The following CACNG3 variants were observed in gnomAD, a reference collection of about 807,000 sequenced individuals.
CACNG3 encodes the protein calcium voltage-gated channel auxiliary subunit gamma 3.
In CACNG3, 3 loss-of-function variants were observed where a neutral mutation model predicts 28.5. The ratio of observed to expected loss-of-function variants is 0.11; its 90% confidence interval spans 0.05 to 0.27. The LOEUF (loss-of-function observed/expected upper bound fraction) is 0.27, where lower values mean the gene tolerates loss of function less well. Among genes scored for constraint, CACNG3 ranks in the 10% least tolerant of loss-of-function variants. CACNG3 has a pLI of 1.00. For missense variants in CACNG3, 236 were observed against 414.4 expected, an observed-to-expected ratio of 0.57 and a Z score of 3.74; for synonymous variants, 174 against 162.2, an observed-to-expected ratio of 1.07 and a Z score of -0.55.
At chr16:24,270,946 G>A (rs1045887785) in intron 1 of CACNG3, among the ~76,000 whole-genome samples, 1 of 152,206 alleles carries the variant, frequency 6.6e-6, no homozygotes, top group African/African-American at 2.4e-5. Context: ...GCTTGAAGCG[G>A]GGAATGTGCC....
chr16:24,305,777 C>T (rs916685505), intron 1 of CACNG3, among the ~76,000 whole-genome samples: 2 of 152,094 alleles, frequency 1.3e-5, no homozygotes, highest in African/African-American at 4.8e-5. Flanking sequence ...CAAACCTGCA[C>T]ATTCTGCACA....
At chr16:24,310,765 T>C (rs912663348) in intron 1 of CACNG3, among the ~76,000 whole-genome samples, 1 of 151,860 alleles carries the variant, frequency 6.6e-6, no homozygotes, top group Non-Finnish European at 1.5e-5. Flanking sequence ...TGGTAGGGGG[T>C]GCTGCTGGGA....
intron 1 of CACNG3, among the ~76,000 whole-genome samples, chr16:24,270,028 T>C (rs2141347001): frequency 6.6e-6 from 1 of 152,230 alleles, no homozygotes; most frequent in South Asian, 2.1e-4. Flanking sequence ...TTCTATTCCT[T>C]TTGGCTAAGA....
intron 3 of CACNG3, among the ~76,000 whole-genome samples, chr16:24,355,487 G>A (rs1203139755): frequency 1.3e-5 from 2 of 152,186 alleles, no homozygotes; most frequent in Non-Finnish European, 2.9e-5. Flanking sequence ...GGAAGCTGAG[G>A]TGGGGGGATC....
chr16:24,331,771 G>A (rs1445217972), intron 1 of CACNG3, among the ~76,000 whole-genome samples: 1 of 152,114 alleles, frequency 6.6e-6, no homozygotes, highest in African/African-American at 2.4e-5. Context: ...CTTGGTTCTA[G>A]AAACACACTA....
At chr16:24,279,983 T>G (rs1360887467) in intron 1 of CACNG3, among the ~76,000 whole-genome samples, 1 of 152,198 alleles carries the variant, frequency 6.6e-6, no homozygotes, top group Non-Finnish European at 1.5e-5. Context: ...ATTACTTCCA[T>G]ATATATGGAG....
At chr16:24,312,987 G>GAAAGAAAGAAATA (rs1899292687) in intron 1 of CACNG3, among the ~76,000 whole-genome samples, 19 of 132,960 alleles carry the variant, frequency 1.4e-4, no homozygotes, top group Non-Finnish European at 1.9e-4. Flanking sequence ...AGAAATAAAA[G>GAAAGAAAGAAATA]AAAGAAAGAA....
chr16:24,361,746 G>C lies in CACNG3; in HGVS notation c.831G>C (p.Gly277=), dbSNP rs755010085. ...LSRDPSKITM[G]TLLNSDRDHA... ...GGGACCCCTCAAAGATCACCATGGG[G>C]ACCCTCCTCAACTCCGACCGGGACC... The change falls in exon 4 of 4, where the codon GGG becomes GGC. Residue 277 remains glycine, a synonymous_variant. Coordinates refer to ENST00000005284, the MANE Select transcript of CACNG3 (RefSeq NM_006539.4). The surrounding 1 kb of genome is among the most constrained non-coding windows in gnomAD (Gnocchi z 6.8). The C allele has an allele frequency of 6.2e-7, 1 of 1,613,830 alleles. No homozygotes were observed. The highest frequency in any genetic ancestry group is 8.5e-7 in the Non-Finnish European group (1 of 1,179,988).
intron 1 of CACNG3, among the ~76,000 whole-genome samples, chr16:24,343,302 C>T (rs1899815437): frequency 6.6e-6 from 1 of 152,116 alleles, no homozygotes; most frequent in African/African-American, 2.4e-5. Context: ...TGAATAGGCC[C>T]ATTTCACAAG....
chr16:24,354,425 G>A (rs375446801), intron 2 of CACNG3, among the ~76,000 whole-genome samples: 29 of 152,002 alleles, frequency 1.9e-4, no homozygotes, highest in African/African-American at 7.0e-4. Flanking sequence ...GGCAGTAGTC[G>A]CTGGGCTGAG....
intron 1 of CACNG3, among the ~76,000 whole-genome samples, chr16:24,307,635 A>G (rs571594068): frequency 3.0e-4 from 45 of 152,308 alleles, no homozygotes; most frequent in Admixed American, 2.7e-3. Context: ...CTAAGACAAC[A>G]GTCACCCACA....
chr16:24,326,174 CT>C (rs58752966), intron 1 of CACNG3, among the ~76,000 whole-genome samples: 2,411 of 140,864 alleles, frequency 0.017, 27 homozygotes, highest in Middle Eastern at 0.043. Flanking sequence ...TTTCTTTTTT[CT>C]TTTTTTTTTT....
At chr16:24,285,531 T>C (rs1898881191) in intron 1 of CACNG3, among the ~76,000 whole-genome samples, 1 of 152,096 alleles carries the variant, frequency 6.6e-6, no homozygotes, top group South Asian at 2.1e-4. Context: ...ATCATTTGCT[T>C]TTGTTTAAAT....
chr16:24,324,017 G>C (rs1899501368), intron 1 of CACNG3, among the ~76,000 whole-genome samples: 1 of 152,160 alleles, frequency 6.6e-6, no homozygotes, highest in Non-Finnish European at 1.5e-5. Context: ...CTCCTGATCT[G>C]CCTGCCTCGG....
At chr16:24,287,884 G>A (rs908244721) in intron 1 of CACNG3, among the ~76,000 whole-genome samples, 2 of 152,178 alleles carry the variant, frequency 1.3e-5, no homozygotes, top group Non-Finnish European at 2.9e-5. Flanking sequence ...CGAGGGGAGA[G>A]GATTGCTTGA....
intron 1 of CACNG3, among the ~76,000 whole-genome samples, chr16:24,266,375 A>G (rs1476427294): frequency 6.6e-6 from 1 of 152,224 alleles, no homozygotes; most frequent in Non-Finnish European, 1.5e-5. Flanking sequence ...TGAAAGATAC[A>G]TGAATGGGCA....
At chr16:24,358,929 T>C in intron 3 of CACNG3, among the ~76,000 whole-genome samples, 1 of 152,206 alleles carries the variant, frequency 6.6e-6, no homozygotes, top group Non-Finnish European at 1.5e-5. Context: ...CTAGGTATGA[T>C]GCATATAAAG....
chr16:24,321,669 A>C (rs11074615), intron 1 of CACNG3, among the ~76,000 whole-genome samples: 92,299 of 151,934 alleles, frequency 0.61, 28,689 homozygotes, highest in Middle Eastern at 0.71. Context: ...GACTTACAAA[A>C]GAAAAGAAAA....
At chr16:24,265,213 G>T (rs1898581598) in intron 1 of CACNG3, among the ~76,000 whole-genome samples, 1 of 147,814 alleles carries the variant, frequency 6.8e-6, no homozygotes, top group African/African-American at 2.6e-5. Flanking sequence ...CTGCACTCTA[G>T]CCTGGGTGAC....
Sources: allele counts gnomAD v4.1 joint callset (sites outside exome capture counted in the v4.1 genomes callset), GRCh38; gene constraint gnomAD v4.1.1; non-coding constraint Gnocchi (gnomAD v3.1); transcripts MANE v1.5; gene names NCBI Gene and HGNC (gene_info 2026-07-23, HGNC 2026-07-21).